Variants in MTUS1 observed in about 807,000 individuals in gnomAD.
MTUS1 encodes the protein microtubule associated scaffold protein 1.
MTUS1 carries 109 observed loss-of-function variants against 120.8 expected under a neutral mutation model. That is an observed-to-expected ratio of 0.90 (90% CI 0.77 to 1.06). The LOEUF (loss-of-function observed/expected upper bound fraction) is 1.06, where lower values mean the gene tolerates loss of function less well. Ranked by LOEUF, MTUS1 falls within the 50% of genes least tolerant of loss-of-function variation. The pLI is 0.00. For synonymous variants in MTUS1, 737 were observed against 550.5 expected (o/e 1.34, Z -4.74); for missense variants, 2,210 against 1,486.3 (o/e 1.49, Z -8.01).
intron 8 of MTUS1, among the ~76,000 whole-genome samples, chr8:17,660,286 T>C (rs1174504377): frequency 6.6e-6 from 1 of 152,100 alleles, no homozygotes; most frequent in East Asian, 1.9e-4. Flanking sequence ...GGCAGGAGAA[T>C]CGCTTGAACC....
chr8:17,763,851 C>T (rs776432642), intron 1 of MTUS1, among the ~76,000 whole-genome samples: 14 of 152,190 alleles, frequency 9.2e-5, no homozygotes, highest in Non-Finnish European at 1.8e-4. Flanking sequence ...TGTACCACCT[C>T]TGGGCCTGGA....
chr8:17,654,606 C>G lies in MTUS1; in HGVS notation c.3169G>C (p.Glu1057Gln), dbSNP rs769809830. 1 of 1,614,188 alleles carries G rather than the reference C, an allele frequency of 6.2e-7. No individual in the cohort carries two copies. Among genetic ancestry groups the G allele is most frequent in the South Asian group, 1.1e-5 (1 of 91,086 alleles). ...SKLEIEASHS[E>Q]KLELLKKAYE... ...GCCTTCTTTAGCAATTCAAGTTTCT[C>G]TGAGTGGCTAGCTTCAATTTCCAAC... is the stretch of plus-strand genomic sequence containing the variant. The change falls in exon 10 of 15, where the codon GAG (glutamate) becomes CAG (glutamine). Residue 1057 changes from glutamate (E) to glutamine (Q), a missense_variant. Transcript: ENST00000693296.
At chr8:17,647,817 T>C (rs1806149047) in intron 13 of MTUS1, among the ~76,000 whole-genome samples, 1 of 152,216 alleles carries the variant, frequency 6.6e-6, no homozygotes, top group Admixed American at 6.5e-5. Flanking sequence ...CCCACTCACT[T>C]TCTAAAGGTA....
chr8:17,649,580 C>T (rs1381311255), intron 13 of MTUS1, among the ~76,000 whole-genome samples: 1 of 152,066 alleles, frequency 6.6e-6, no homozygotes, highest in East Asian at 1.9e-4. Context: ...TCCAAAATAC[C>T]ACTGAAATAT....
chr8:17,768,819 C>T (rs2049779457), intron 1 of MTUS1, among the ~76,000 whole-genome samples: 1 of 152,142 alleles, frequency 6.6e-6, no homozygotes, highest in Non-Finnish European at 1.5e-5. Flanking sequence ...AAACTGATAT[C>T]AACACACCAG....
intron 1 of MTUS1, among the ~76,000 whole-genome samples, chr8:17,798,265 G>C (rs1023451174): frequency 6.6e-6 from 1 of 152,092 alleles, no homozygotes; most frequent in Non-Finnish European, 1.5e-5. Flanking sequence ...AATTAGTTTT[G>C]CAACAGTCTC....
intron 1 of MTUS1, among the ~76,000 whole-genome samples, chr8:17,797,692 G>C (rs950985152): frequency 3.3e-5 from 5 of 151,640 alleles, no homozygotes; most frequent in Admixed American, 3.3e-4. Flanking sequence ...TTCTTCCAGA[G>C]AAAGTCTGAG....
At position 17,676,049 on chromosome 8, in the gene MTUS1, T is replaced by TA. The variant is rs906612935; in HGVS notation, c.2839-798dup. 697 of 523,082 alleles carry TA rather than the reference T, an allele frequency of 1.3e-3. 1 individual carries two copies. The highest frequency in any genetic ancestry group is 3.0e-3 in the South Asian group (123 of 40,876). The allele number at this position is 523,082 out of a possible 1,614,324, so 32.4% of individuals were successfully genotyped here. A position where few individuals can be genotyped will look rare whatever the true frequency, so the allele number is the denominator to read the frequency against. On this transcript the variant is annotated intron_variant, in intron 7 of 14. Coordinates refer to ENST00000693296, the MANE Select transcript of MTUS1 (RefSeq NM_001363059.2). ...AGATTCCCTAGCACCAGGGAGTAAC[T>TA]AAAAAAAAAATGAAGAATTTCAAAG...
intron 3 of MTUS1, among the ~76,000 whole-genome samples, chr8:17,738,940 A>G (rs1341284226): frequency 1.3e-5 from 2 of 151,802 alleles, no homozygotes; most frequent in African/African-American, 2.4e-5. Flanking sequence ...GGAGTTCAAG[A>G]CCAGCCTGGG....
chr8:17,791,608 A>G lies in MTUS1; in HGVS notation c.-155+9453T>C, dbSNP rs377475824. On this transcript the variant is annotated intron_variant, in intron 1 of 14. Coordinates refer to ENST00000693296, the MANE Select transcript of MTUS1 (RefSeq NM_001363059.2). ...TTTGAAAACACAGTTCAAATGGAGT[A>G]TCAGCAGCTCACTAGACTTAAACTT... 8.1e-4 allele frequency among the ~76,000 whole-genome samples: 123 copies of G among 152,344 alleles called. 4 individuals carry two copies. In the South Asian group the frequency reaches 0.025, roughly 31 times the overall value.
In MTUS1 at chr8:17,732,747, A is replaced by G. The variant is rs796094495; in HGVS notation, c.2288-8914T>C. ...CAGGTAAAGGCTGCACCATTCTTCC[A>G]TTGCTCACACCAACATGGTCATGTT... On this transcript the variant is annotated intron_variant, in intron 3 of 14. Transcript: ENST00000693296. 5.3e-5 allele frequency among the ~76,000 whole-genome samples: 8 copies of G among 151,860 alleles called. 1 individual carries two copies. The South Asian group carries it at 1.5e-3, about 28-fold the overall frequency.
chr8:17,690,293 T>A (rs1585716919), intron 6 of MTUS1, among the ~76,000 whole-genome samples: 2 of 152,264 alleles, frequency 1.3e-5, no homozygotes, highest in Admixed American at 6.5e-5. Context: ...ATGCTCAACA[T>A]CACTAATCAT....
chr8:17,679,619 A>C (rs1441448492), intron 7 of MTUS1, among the ~76,000 whole-genome samples: 6 of 151,994 alleles, frequency 3.9e-5, no homozygotes, highest in African/African-American at 1.5e-4. Flanking sequence ...CGTATGCCTC[A>C]GTCTCTTGAG....
intron 1 of MTUS1, among the ~76,000 whole-genome samples, chr8:17,760,837 T>C (rs1281634666): frequency 1.4e-5 from 2 of 147,552 alleles, no homozygotes; most frequent in African/African-American, 2.5e-5. Flanking sequence ...AAACAAACCA[T>C]CCTCACCCAA....
intron 6 of MTUS1, among the ~76,000 whole-genome samples, chr8:17,699,963 A>T (rs1040460335): frequency 2.6e-5 from 4 of 152,162 alleles, no homozygotes; most frequent in African/African-American, 9.7e-5. Context: ...AAATTCTTTG[A>T]TTATTTGATC....
chr8:17,647,331 C>T (rs1302484988), intron 13 of MTUS1: 1 of 372,316 alleles, frequency 2.7e-6, no homozygotes, highest in African/African-American at 2.1e-5. Context: ...AGATTTGTTC[C>T]AGGTCATGTT....
chr8:17,767,411 A>G (rs2049607712), intron 1 of MTUS1, among the ~76,000 whole-genome samples: 1 of 151,740 alleles, frequency 6.6e-6, no homozygotes, highest in African/African-American at 2.4e-5. Context: ...GAGGAGGTAA[A>G]AGGGGCTGGG....
chr8:17,657,041 AGAGT>A (rs1432800270), intron 8 of MTUS1, among the ~76,000 whole-genome samples: 2 of 138,096 alleles, frequency 1.4e-5, no homozygotes, highest in Non-Finnish European at 3.1e-5. Context: ...CCTGGGCGAC[AGAGT>A]GAGATTCTGT....
At chr8:17,706,336 G>A (rs1820148712) in intron 6 of MTUS1, 1 of 152,080 alleles carries the variant, frequency 6.6e-6, no homozygotes, top group African/African-American at 2.4e-5. Flanking sequence ...TTAGCAACTA[G>A]CCCAAGGTCA....
Sources: allele counts gnomAD v4.1 joint callset (sites outside exome capture counted in the v4.1 genomes callset), GRCh38; gene constraint gnomAD v4.1.1; transcripts MANE v1.5; gene names NCBI Gene and HGNC (gene_info 2026-07-23, HGNC 2026-07-21).